ACTG2: variants seen among roughly 807,000 people sequenced by gnomAD.
The protein encoded by ACTG2 is actin, gamma-enteric smooth muscle.
Under a neutral mutation model 37.6 loss-of-function variants are expected in ACTG2, and 16 were observed. The ratio of observed to expected loss-of-function variants is 0.43; its 90% CI spans 0.29 to 0.65. ACTG2 has a LOEUF of 0.65. Among genes scored for constraint, ACTG2 ranks in the 30% least tolerant of loss-of-function variants. The pLI, the probability that ACTG2 is intolerant of heterozygous loss-of-function variation, is 0.18. For missense variants in ACTG2, 238 were observed against 490.9 expected (o/e 0.48, Z 4.87); for synonymous variants, 181 against 179.9 (o/e 1.01, Z -0.05).
rs376106769 is a variant in ACTG2 at position 73,898,904 on chromosome 2, G to A, written c.-36-2372G>A. Among the ~76,000 whole-genome samples the A allele has an allele frequency of 1.6e-3, 232 of 146,926 alleles. 1 individual carries two copies. Among genetic ancestry groups the A allele is most frequent in the East Asian group, 7.5e-3 (36 of 4,810 alleles). ...TGCAAGCTCCGCCTCCCGGGTTCACGCCATTCTCCTGCCTCAGCCTCCCGA... is the reference window on the plus strand; with the variant it reads ...TGCAAGCTCCGCCTCCCGGGTTCACACCATTCTCCTGCCTCAGCCTCCCGA... On this transcript the variant is annotated intron_variant, in intron 1 of 8. Coordinates refer to ENST00000345517, the MANE Select transcript of ACTG2 (RefSeq NM_001615.4).
rs140347523 is a variant in ACTG2 at position 73,894,765 on chromosome 2, T to C, written c.-37+1714T>C. 2.7e-3 allele frequency among the ~76,000 whole-genome samples: 413 copies of C among 152,016 alleles called. 8 individuals are homozygous for C. The highest frequency in any genetic ancestry group is 9.3e-3 in the African/African-American group (383 of 41,398). ...TTCCTGGTAAAGAGGAAGCATGGTCTTTGGGACTCAAGTGGCTCAATTCCA... is the reference window on the plus strand; with the variant it reads ...TTCCTGGTAAAGAGGAAGCATGGTCCTTGGGACTCAAGTGGCTCAATTCCA... On this transcript the variant is annotated intron_variant, in intron 1 of 8. Coordinates refer to ENST00000345517, the MANE Select transcript of ACTG2 (RefSeq NM_001615.4).
chr2:73,912,893 C>T (rs1459826094), intron 5 of ACTG2, among the ~76,000 whole-genome samples: 3 of 152,168 alleles, frequency 2.0e-5, no homozygotes, highest in African/African-American at 4.8e-5. Context: ...TGAGGCTGGA[C>T]GCAGTGGCAC....
At chr2:73,915,508 A>G (rs1408553807) in intron 7 of ACTG2, among the ~76,000 whole-genome samples, 2 of 131,476 alleles carry the variant, frequency 1.5e-5, no homozygotes, top group African/African-American at 5.7e-5. Context: ...CAACAGGGTG[A>G]GATTCTGTCT....
chr2:73,906,817 TTAACTTTTAAGGTATAAAAACTC>T (rs1680027743), intron 3 of ACTG2, among the ~76,000 whole-genome samples: 1 of 152,210 alleles, frequency 6.6e-6, no homozygotes, highest in Non-Finnish European at 1.5e-5. Flanking sequence ...ATCAACATCT[TTAACTTTTAAGGTATAAAAACTC>T]CAAAAAAGAA....
At chr2:73,914,922 A>T in intron 7 of ACTG2, 51 bp downstream of exon 7, 1 of 1,440,396 alleles carries the variant, frequency 6.9e-7, no homozygotes, top group Non-Finnish European at 9.3e-7. Flanking sequence ...AGGGTGGAGG[A>T]GTGGGTGAGG....
In ACTG2 at chr2:73,897,894, A is replaced by G. The variant is rs370228484; in HGVS notation, c.-36-3382A>G. Among the ~76,000 whole-genome samples the G allele has an allele frequency of 1.5e-3, 233 of 152,352 alleles. 1 individual carries two copies. The highest frequency in any genetic ancestry group is 6.8e-3 in the Middle Eastern group (2 of 294). On this transcript the variant is annotated intron_variant, in intron 1 of 8. Transcript: ENST00000345517. ...CCTTTTATAAAAAAACCCATTCTTGAGAAGGACATTAGTCCATTCAAGAGG... is the reference window on the plus strand; with the variant it reads ...CCTTTTATAAAAAAACCCATTCTTGGGAAGGACATTAGTCCATTCAAGAGG...
chr2:73,904,777 G>GTGTGTATGTATATATATA (rs1427483105), intron 3 of ACTG2, among the ~76,000 whole-genome samples: 3 of 42,608 alleles, frequency 7.0e-5, no homozygotes, highest in African/African-American at 2.3e-4. Flanking sequence ...GTGTGTGTGT[G>GTGTGTATGTATATATATA]TATATATATA....
chr2:73,903,958 A>AAAAAAAAAAAAAC (rs1679949339), intron 3 of ACTG2, among the ~76,000 whole-genome samples: 1 of 104,094 alleles, frequency 9.6e-6, no homozygotes, highest in Non-Finnish European at 2.0e-5. Flanking sequence ...AAAAAAAAAA[A>AAAAAAAAAAAAAC]ACAAAAAAAA....
intron 5 of ACTG2, among the ~76,000 whole-genome samples, chr2:73,912,518 A>G (rs1680161310): frequency 6.6e-6 from 1 of 152,178 alleles, no homozygotes; most frequent in Non-Finnish European, 1.5e-5. Flanking sequence ...TGATGGTTTC[A>G]TTATGTATTT....
At chr2:73,902,031 GTGTGTGTGTC>G (rs1226129738) in intron 2 of ACTG2, among the ~76,000 whole-genome samples, 1 of 100,244 alleles carries the variant, frequency 1.0e-5, no homozygotes, top group Non-Finnish European at 2.2e-5. Flanking sequence ...GTGTGTGTGT[GTGTGTGTGTC>G]TGTGTGTGTG....
intron 1 of ACTG2, among the ~76,000 whole-genome samples, chr2:73,894,587 C>T (rs1205908691): frequency 1.3e-5 from 2 of 152,080 alleles, no homozygotes; most frequent in African/African-American, 4.8e-5. Flanking sequence ...CTGGAAGAGA[C>T]AGATAAACAG....
chr2:73,900,212 T>C (rs1399864924), intron 1 of ACTG2, among the ~76,000 whole-genome samples: 7 of 152,210 alleles, frequency 4.6e-5, no homozygotes, highest in Non-Finnish European at 7.3e-5. Context: ...TTTGGAAGTC[T>C]GCCTGCCCAG....
rs1176398187 is a variant in ACTG2, at chr2:73,919,476, C to G, written c.1032C>G (p.Gly344=). Residue 344 remains glycine, a synonymous_variant, in exon 9 of 9, where the codon GGC becomes GGG. Transcript: ENST00000345517. The part of the protein sequence containing the change: ...PERKYSVWIG[G]SILASLSTFQ... Reference sequence around the variant, plus strand: ...GGAAGTACTCAGTCTGGATCGGGGGCTCTATCCTGGCCTCTCTCTCCACCT... The same window carrying G: ...GGAAGTACTCAGTCTGGATCGGGGGGTCTATCCTGGCCTCTCTCTCCACCT... The G allele has an allele frequency of 1.2e-6, 2 of 1,614,108 alleles. No individual in the cohort carries two copies. Among genetic ancestry groups the G allele is most frequent in the Non-Finnish European group, 8.5e-7 (1 of 1,180,016 alleles).
At chr2:73,903,545 A>G (rs1679936125) in intron 3 of ACTG2, among the ~76,000 whole-genome samples, 1 of 152,230 alleles carries the variant, frequency 6.6e-6, no homozygotes, top group African/African-American at 2.4e-5. Flanking sequence ...TGCTTTGAAG[A>G]TTGAATTAGC....
chr2:73,914,232 C>T (rs918851715), intron 6 of ACTG2, among the ~76,000 whole-genome samples: 13 of 152,092 alleles, frequency 8.5e-5, no homozygotes, highest in Admixed American at 3.3e-4. Flanking sequence ...ACCCTCTTCG[C>T]GGCAAGTCTA....
intron 1 of ACTG2, among the ~76,000 whole-genome samples, chr2:73,895,712 C>A (rs1318279384): frequency 1.3e-5 from 2 of 152,184 alleles, no homozygotes; most frequent in African/African-American, 2.4e-5. Context: ...ATGGATCATT[C>A]AATTCCTTTC....
chr2:73,893,133 C>G (rs1343223819), intron 1 of ACTG2, 82 bp downstream of exon 1: 2 of 152,408 alleles, frequency 1.3e-5, no homozygotes, highest in Non-Finnish European at 2.9e-5. Context: ...TCCAGATTGG[C>G]CTGGCTTCTG....
chr2:73,913,186 A>AT (rs1553396279), intron 5 of ACTG2, among the ~76,000 whole-genome samples: 3 of 151,654 alleles, frequency 2.0e-5, no homozygotes, highest in African/African-American at 4.8e-5. Flanking sequence ...AAAAAAAAAA[A>AT]GAATATGCAA....
intron 2 of ACTG2, 130 bp downstream of exon 2, chr2:73,901,567 TGTGTGTGTGTGTGTCTGTGC>T (rs1244441661): frequency 0.028 from 2,591 of 92,792 alleles, 5 homozygotes; most frequent in Admixed American, 0.053. Context: ...TGTGTGTGTG[TGTGTGTGTGTGTGTCTGTGC>T]GTGTGTGTGT....
Sources: gnomAD v4.1 joint callset for allele counts (sites outside exome capture counted in the v4.1 genomes callset) on GRCh38, gnomAD v4.1.1 for gene constraint, MANE v1.5 for transcripts, NCBI Gene and HGNC (gene_info 2026-07-23, HGNC 2026-07-21) for gene names.